Variants in ATRX observed in about 807,000 individuals in gnomAD.
The protein encoded by ATRX is chromatin remodeler ATRX.
ATRX carries 12 observed loss-of-function variants against 172.6 expected under a neutral mutation model. That is an observed-to-expected ratio of 0.07 (90% CI 0.04 to 0.11). ATRX has a LOEUF of 0.11. ATRX is among the 10% of genes least tolerant of loss of function. The pLI, the probability that ATRX is intolerant of heterozygous loss-of-function variation, is 1.00. For synonymous variants in ATRX, 674 were observed against 594.7 expected (o/e 1.13, Z -1.94); for missense variants, 1,368 against 1,767.4 (o/e 0.77, Z 4.05).
chrX:77,705,876 T>C (rs1413986696), intron 2 of ATRX, among the ~76,000 whole-genome samples: 4 of 112,339 alleles, frequency 3.6e-5, no homozygotes, highest in Admixed American at 9.4e-5. Flanking sequence ...TTGGTGCAAC[T>C]TTGCACAAAA....
At chrX:77,514,547 T>C (rs2062987449) in intron 34 of ATRX, among the ~76,000 whole-genome samples, 1 of 112,075 alleles carries the variant, frequency 8.9e-6, no homozygotes, top group South Asian at 3.7e-4. Context: ...GGTAATTGGC[T>C]AGCCACAGGG....
rs781810958 is a variant in ATRX at position 77,663,478 on chromosome X, G to T, written c.4024C>A (p.Arg1342=). ...KKPRYRHRLL[R]HKLTVSDGES... ...CCGTCACTCACAGTCAATTTGTGCC[G>T]CAAAAGCCTATGTCTGTATCTTGGC... The change falls in exon 12 of 35, where the codon CGG becomes AGG. Residue 1342 remains arginine, a synonymous_variant. Transcript: ENST00000373344. 5.0e-6 allele frequency: 6 copies of T among 1,209,821 alleles called. No individual in the cohort carries two copies. In the East Asian group the frequency reaches 1.8e-4, roughly 36 times the overall value.
At chrX:77,664,822 G>T in intron 10 of ATRX, 44 bp from the exon 11 acceptor site, 1 of 1,094,045 alleles carries the variant, frequency 9.1e-7, no homozygotes, top group Non-Finnish European at 1.2e-6. Context: ...ATATCTGGGG[G>T]TGAAATACAC....
At position 77,682,598 on chromosome X, in the gene ATRX, C is replaced by G. The variant is rs141180098; in HGVS notation, c.2658G>C (p.Glu886Asp). Reference protein sequence around the residue: ...SDDAERKQERETFSSAEGTVD... With the variant: ...SDDAERKQERDTFSSAEGTVD... ...CTGTGCCTTCTGCTGAAGAGAAAGT[C>G]TCTCTCTCTTGTTTTCTTTCAGCAT... The change falls in exon 9 of 35, where the codon GAG becomes GAC. Residue 886 changes from glutamate to aspartate, a missense_variant. Glu to Asp is a conservative substitution (Grantham distance 45, BLOSUM62 2). Transcript: ENST00000373344. The G allele has an allele frequency of 3.1e-5, 37 of 1,207,769 alleles. No homozygotes were observed. The highest frequency in any genetic ancestry group is 4.1e-5 in the Non-Finnish European group (37 of 894,144).
intron 1 of ATRX, among the ~76,000 whole-genome samples, chrX:77,723,940 G>T (rs1407336686): frequency 9.0e-6 from 1 of 111,456 alleles, no homozygotes; most frequent in African/African-American, 3.3e-5. Context: ...TAACATCAGT[G>T]CAGTCCATCA....
At chrX:77,667,303 G>A (rs1386025113) in intron 10 of ATRX, among the ~76,000 whole-genome samples, 5 of 78,817 alleles carry the variant, frequency 6.3e-5, no homozygotes, top group East Asian at 7.2e-4. Flanking sequence ...ATATGTGTGT[G>A]TGTGTGTGTG....
chrX:77,685,130 C>A, intron 7 of ATRX, 124 bp from the exon 8 acceptor site: 1 of 546,001 alleles, frequency 1.8e-6, no homozygotes, highest in Admixed American at 3.1e-5. Flanking sequence ...CTGGTGTGGG[C>A]AAAGATTTAT....
At chrX:77,726,888 C>G (rs782728856) in intron 1 of ATRX, among the ~76,000 whole-genome samples, 1 of 109,208 alleles carries the variant, frequency 9.2e-6, no homozygotes, top group African/African-American at 3.3e-5. Context: ...GCTTTTTTAC[C>G]GATGAGGAAT....
intron 29 of ATRX, 58 bp downstream of exon 29, chrX:77,558,611 T>C (rs1020739538): frequency 3.4e-5 from 35 of 1,032,534 alleles, no homozygotes; most frequent in Non-Finnish European, 4.7e-5. Context: ...TCCATATCTC[T>C]AAAATATTAT....
intron 1 of ATRX, among the ~76,000 whole-genome samples, chrX:77,753,252 C>T (rs1428468753): frequency 3.6e-5 from 4 of 111,414 alleles, no homozygotes; most frequent in Admixed American, 9.6e-5. Context: ...AGTTTATTTG[C>T]GTAGAGGTGT....
chrX:77,701,798 G>C (rs1370651825), intron 2 of ATRX, among the ~76,000 whole-genome samples: 1 of 112,145 alleles, frequency 8.9e-6, no homozygotes, highest in Non-Finnish European at 1.9e-5. Context: ...AGGCGCGGTG[G>C]CTGATGCCTG....
intron 1 of ATRX, among the ~76,000 whole-genome samples, chrX:77,728,621 T>C (rs1189135037): frequency 2.7e-5 from 3 of 111,426 alleles, no homozygotes; most frequent in Non-Finnish European, 5.6e-5. Context: ...TTCCATGAAA[T>C]AGACACTCTC....
chrX:77,671,858 T>C (rs1216249352), intron 10 of ATRX, among the ~76,000 whole-genome samples: 2 of 110,712 alleles, frequency 1.8e-5, no homozygotes, highest in Non-Finnish European at 3.8e-5. Flanking sequence ...AAAGAAACAC[T>C]GGTTATAATG....
Position 77,505,215 on chromosome X carries a change from G to C in ATRX, c.*3136C>G, listed in dbSNP as rs2147449749. On this transcript the variant is annotated 3_prime_UTR_variant, in exon 35 of 35. Transcript: ENST00000373344. ...CTCTCAAAGGAAACAAGGGCTACTGGGACAGAATGTAACTGCTCTTAAAGT... is the reference window on the plus strand; with the variant it reads ...CTCTCAAAGGAAACAAGGGCTACTGCGACAGAATGTAACTGCTCTTAAAGT... 1.7e-5 allele frequency: 3 copies of C among 174,350 alleles called. No individual in the cohort carries two copies. The East Asian group carries it at 2.5e-4, about 14-fold the overall frequency. 14.4% of individuals were successfully genotyped at this position (174,350 alleles called of 1,213,427 possible).
chrX:77,773,520 A>G (rs1603341455), intron 1 of ATRX, among the ~76,000 whole-genome samples: 1 of 111,152 alleles, frequency 9.0e-6, no homozygotes, highest in Admixed American at 9.6e-5. Context: ...TTGAAAGGCC[A>G]AGGCGGGCGG....
At chrX:77,562,025 T>C (rs1363368700) in intron 28 of ATRX, among the ~76,000 whole-genome samples, 3 of 112,116 alleles carry the variant, frequency 2.7e-5, no homozygotes, top group African/African-American at 9.7e-5. Context: ...TTCGTATTCA[T>C]GCCCTTCCCC....
Position 77,684,054 on chromosome X carries a change from T to A in ATRX, c.1202A>T (p.Asp401Val), listed in dbSNP as rs2071414010. 8.3e-7 allele frequency: 1 copy of A among 1,208,614 alleles called. No individual in the cohort carries two copies. The highest frequency in any genetic ancestry group is 1.1e-6 in the Non-Finnish European group (1 of 892,450). The change falls in exon 9 of 35, where the codon GAT becomes GTT. Residue 401 changes from aspartate to valine, a missense_variant. Coordinates refer to ENST00000373344, the MANE Select transcript of ATRX (RefSeq NM_000489.6). ...QLKAFKSVLA[D>V]IKKAHLALEE... ...CAATGCAAGATGAGCCTTCTTAATA[T>A]CAGCCAACACAGACTTAAAAGCCTT...
intron 1 of ATRX, among the ~76,000 whole-genome samples, chrX:77,741,641 T>C (rs2074876879): frequency 9.0e-6 from 1 of 110,818 alleles, no homozygotes; most frequent in African/African-American, 3.3e-5. Context: ...TTTGTATTTT[T>C]AGTAGAGACA....
intron 1 of ATRX, among the ~76,000 whole-genome samples, chrX:77,722,369 A>AT (rs782046647): frequency 0.014 from 1,544 of 108,588 alleles, 20 homozygotes; most frequent in African/African-American, 0.031. Flanking sequence ...GCAAAAAAAA[A>AT]ATATATATAT....
Sources: gnomAD v4.1 joint callset for allele counts (sites outside exome capture counted in the v4.1 genomes callset) on GRCh38, gnomAD v4.1.1 for gene constraint, MANE v1.5 for transcripts, NCBI Gene and HGNC (gene_info 2026-07-23, HGNC 2026-07-21) for gene names.